Variants in CARS1 observed in about 807,000 individuals in gnomAD.
The protein encoded by CARS1 is cysteinyl-tRNA synthetase 1, also known as cysteine--tRNA ligase, cytoplasmic.
In CARS1, 48 loss-of-function variants were observed where a neutral mutation model predicts 106.2. The observed-to-expected ratio is 0.45, with a 90% CI of 0.36 to 0.57. The LOEUF (loss-of-function observed/expected upper bound fraction) is 0.57, where lower values mean the gene tolerates loss of function less well. Ranked by LOEUF, CARS1 falls within the 20% of genes least tolerant of loss-of-function variation. The probability of loss-of-function intolerance (pLI) is 0.00; values close to 1 mark genes in which losing one functional copy is unlikely to be tolerated. For missense variants in CARS1, 968 were observed against 1,057.2 expected (o/e 0.92, Z 1.17); for synonymous variants, 409 against 403.4 (o/e 1.01, Z -0.17).
intron 21 of CARS1, 82 bp downstream of exon 21, chr11:3,002,459 G>A (rs984953986): frequency 2.4e-5 from 38 of 1,589,210 alleles, no homozygotes; most frequent in East Asian, 4.5e-5. Flanking sequence ...TAAGGTCCAC[G>A]GAGGCACAGA....
rs757878749 is a variant in CARS1 at position 3,048,091 on chromosome 11, C to A, written c.26-90G>T. 1.3e-6 allele frequency: 2 copies of A among 1,499,194 alleles called. No homozygotes were observed. Among genetic ancestry groups the A allele is most frequent in the Non-Finnish European group, 1.8e-6 (2 of 1,113,864 alleles). 92.9% of individuals were successfully genotyped at this position (1,499,194 alleles called of 1,614,324 possible). On this transcript the variant is annotated intron_variant, in intron 1 of 22. Coordinates refer to ENST00000380525, the MANE Select transcript of CARS1 (RefSeq NM_001014437.3). This position sits in a 1 kb window ranked among gnomAD's most constrained non-coding sequence, Gnocchi z 5.1. ...ACAGGGACTAGGGGATGGCACAGAA[C>A]CAAGGAAAAAGGTGTTCAAGCCCTT...
intron 14 of CARS1, chr11:3,018,155 G>A: frequency 3.3e-6 from 2 of 613,620 alleles, no homozygotes; most frequent in South Asian, 4.0e-5. Context: ...CTCATTTGGT[G>A]GAAAGTACAA....
Position 3,004,317 on chromosome 11 carries a change from C to G in CARS1, c.2217+1049G>C, listed in dbSNP as rs1366828485. Among the ~76,000 whole-genome samples, 1 of 152,248 alleles carries G rather than the reference C, an allele frequency of 6.6e-6. No individual in the cohort carries two copies. The highest frequency in any genetic ancestry group is 1.5e-5 in the Non-Finnish European group (1 of 68,048). ...AAACTCCAGCCACCCACACTTGGAT[C>G]TGGCATGAGCTCTCCCCTCGTGCCT... On this transcript the variant is annotated intron_variant, in intron 20 of 22. Coordinates refer to ENST00000380525, the MANE Select transcript of CARS1 (RefSeq NM_001014437.3). This position sits in a 1 kb window ranked among gnomAD's most constrained non-coding sequence, Gnocchi z 5.2.
In CARS1 at chr11:3,039,377, A is replaced by G. The variant is rs1854122884; in HGVS notation, c.553-85T>C. 1 of 831,260 alleles carries G rather than the reference A, an allele frequency of 1.2e-6. No individual in the cohort carries two copies. Among genetic ancestry groups the G allele is most frequent in the African/African-American group, 1.7e-5 (1 of 59,584 alleles). 51.5% of individuals were successfully genotyped at this position (831,260 alleles called of 1,614,324 possible). ...AGCAGGCCACTCTCTCCCTTGGCCA[A>G]CTCTAAGTGAGGGTGAGGGTGGTGG... On this transcript the variant is annotated intron_variant, in intron 5 of 22. Transcript: ENST00000380525. This position sits in a 1 kb window ranked among gnomAD's most constrained non-coding sequence, Gnocchi z 5.6.
rs919271397 is a variant in CARS1 at position 3,050,929 on chromosome 11, C to G, written c.26-2928G>C. ...CCATCTGCCCCACCGCTCCATCTACCTTATTCACTGCTCGATCTTCAGCAT... is the reference window on the plus strand; with the variant it reads ...CCATCTGCCCCACCGCTCCATCTACGTTATTCACTGCTCGATCTTCAGCAT... On this transcript the variant is annotated intron_variant, in intron 1 of 22. Transcript: ENST00000380525. The surrounding 1 kb of genome is among the most constrained non-coding windows in gnomAD (Gnocchi z 6.3). Among the ~76,000 whole-genome samples, 4 of 152,246 alleles carry G rather than the reference C, an allele frequency of 2.6e-5. No homozygotes were observed. Among genetic ancestry groups the G allele is most frequent in the African/African-American group, 9.6e-5 (4 of 41,460 alleles).
Position 3,039,173 on chromosome 11 carries a change from A to G in CARS1, c.651+21T>C, listed in dbSNP as rs1854082036. 1 of 1,522,130 alleles carries G rather than the reference A, an allele frequency of 6.6e-7. No homozygotes were observed. Among genetic ancestry groups the G allele is most frequent in the South Asian group, 1.1e-5 (1 of 89,062 alleles). 94.3% of individuals were successfully genotyped at this position (1,522,130 alleles called of 1,614,324 possible). ...AGAAAGCAAAGGGCTCGGTTTCTAGAGCAGACAGCAAGAGGCCCACCTTCA... is the reference window on the plus strand; with the variant it reads ...AGAAAGCAAAGGGCTCGGTTTCTAGGGCAGACAGCAAGAGGCCCACCTTCA... On this transcript the variant is annotated intron_variant, in intron 6 of 22. Transcript: ENST00000380525. The surrounding 1 kb of genome is among the most constrained non-coding windows in gnomAD (Gnocchi z 5.6).
chr11:3,032,179 TCTC>T (rs1460716165), intron 7 of CARS1, among the ~76,000 whole-genome samples: 1 of 151,156 alleles, frequency 6.6e-6, no homozygotes, highest in Non-Finnish European at 1.5e-5. Context: ...TTCAAGCAAT[TCTC>T]CTGCCTCAGC....
rs963934223 is a variant in CARS1 at position 3,028,756 on chromosome 11, C to T, written c.1031+240G>A. On this transcript the variant is annotated intron_variant, in intron 9 of 22. Transcript: ENST00000380525. This position sits in a 1 kb window ranked among gnomAD's most constrained non-coding sequence, Gnocchi z 4.4. Reference sequence around the variant, plus strand: ...CCCCATGACTGATGGTCTTGGCTGCCGAGCTTCCCAGCAGATTCTGGGTTA... The same window carrying T: ...CCCCATGACTGATGGTCTTGGCTGCTGAGCTTCCCAGCAGATTCTGGGTTA... 8 of 525,188 alleles carry T rather than the reference C, an allele frequency of 1.5e-5. No individual in the cohort carries two copies. The highest frequency in any genetic ancestry group is 7.6e-5 in the African/African-American group (4 of 52,680). 32.5% of individuals were successfully genotyped at this position (525,188 alleles called of 1,614,324 possible). A position where few individuals can be genotyped will look rare whatever the true frequency, so the allele number is the denominator to read the frequency against.
intron 18 of CARS1, among the ~76,000 whole-genome samples, chr11:3,010,212 G>A (rs1400251229): frequency 6.6e-6 from 1 of 152,266 alleles, no homozygotes; most frequent in Admixed American, 6.5e-5. Flanking sequence ...GCTTGTGCCT[G>A]GCCAGTCCCC....
intron 7 of CARS1, among the ~76,000 whole-genome samples, chr11:3,035,624 C>T (rs1421230287): frequency 2.0e-5 from 3 of 152,058 alleles, no homozygotes; most frequent in Non-Finnish European, 4.4e-5. Context: ...TAGCTGGAAC[C>T]ACAGGCTTGC....
Position 3,019,028 on chromosome 11 carries a change from GT to G in CARS1, c.1395+110del, listed in dbSNP as rs1220312853. The G allele has an allele frequency of 2.4e-6, 3 of 1,256,814 alleles. No homozygotes were observed. In the African/African-American group the frequency reaches 4.5e-5, roughly 19 times the overall value. The allele number at this position is 1,256,814 out of a possible 1,614,324, so 77.9% of individuals were successfully genotyped here. A position where few individuals can be genotyped will look rare whatever the true frequency, so the allele number is the denominator to read the frequency against. ...ATTCCACCCACAAGCCCCGATGAAG[GT>G]GTCAAGTTCTAGTGAGAGAGGCCCT... On this transcript the variant is annotated intron_variant, in intron 12 of 22. Coordinates refer to ENST00000380525, the MANE Select transcript of CARS1 (RefSeq NM_001014437.3). This position sits in a 1 kb window ranked among gnomAD's most constrained non-coding sequence, Gnocchi z 6.2.
chr11:3,045,328 G>A lies in CARS1; in HGVS notation c.274+2425C>T, dbSNP rs189376888. Among the ~76,000 whole-genome samples the A allele has an allele frequency of 3.6e-3, 549 of 152,148 alleles. 5 individuals carry two copies. The highest frequency in any genetic ancestry group is 0.012 in the African/African-American group (504 of 41,498). On this transcript the variant is annotated intron_variant, in intron 2 of 22. Transcript: ENST00000380525. The surrounding 1 kb of genome is among the most constrained non-coding windows in gnomAD (Gnocchi z 5.6). ...CACCTAGGCTGGAGTACAGTGGCAC[G>A]ATCTCGGCTCACTGCAAGCTCCGCC...
intron 9 of CARS1, 82 bp from the exon 10 acceptor site, chr11:3,026,879 C>G: frequency 6.6e-7 from 1 of 1,515,192 alleles, no homozygotes; most frequent in Non-Finnish European, 8.9e-7. Flanking sequence ...CAAAATAAAG[C>G]AGGGCTATAA....
chr11:3,042,201 G>A lies in CARS1; in HGVS notation c.330C>T (p.Cys110=), dbSNP rs143700450. Residue 110 remains cysteine, a synonymous_variant, in exon 3 of 23, where the codon TGC becomes TGT. Coordinates refer to ENST00000380525, the MANE Select transcript of CARS1 (RefSeq NM_001014437.3). ...TGAGGCTGTTGTAAAGGTGGAGTCT[G>A]CATGGCTGGGTCCCAGCAGGAGGGG... is the stretch of plus-strand genomic sequence containing the variant. ...QWSPPAGTQP[C]RLHLYNSLTR... is the part of the protein sequence containing the mutation. 7 of 1,613,722 alleles carry A rather than the reference G, an allele frequency of 4.3e-6. No homozygotes were observed. Among genetic ancestry groups the A allele is most frequent in the African/African-American group, 1.3e-5 (1 of 74,926 alleles).
rs555002436 is a variant in CARS1 at position 3,057,157 on chromosome 11, G to T, written c.25+186C>A. Reference sequence around the variant, plus strand: ...GGACCCAAGGACGTGCCGTCCCTCAGACCCCGCGCACTGACACCCCTCAGA... The same window carrying T: ...GGACCCAAGGACGTGCCGTCCCTCATACCCCGCGCACTGACACCCCTCAGA... On this transcript the variant is annotated intron_variant, in intron 1 of 22. Coordinates refer to ENST00000380525, the MANE Select transcript of CARS1 (RefSeq NM_001014437.3). 2.9e-3 allele frequency among the ~76,000 whole-genome samples: 437 copies of T among 151,786 alleles called. 2 individuals are homozygous for T. Among genetic ancestry groups the T allele is most frequent in the African/African-American group, 0.01 (416 of 41,354 alleles).
At chr11:3,057,310 C>G in intron 1 of CARS1, 33 bp downstream of exon 1, 1 of 1,598,076 alleles carries the variant, frequency 6.3e-7, no homozygotes, top group Non-Finnish European at 8.5e-7. Context: ...AGGCCCCCAG[C>G]CGCCCTCAGC....
rs1234035112 is a variant in CARS1, at chr11:3,041,939, CAT to C, written c.366+224_366+225del. ...CCCAGAAGTCATGGGCAGGCTTCCA[CAT>C]GAGGCATGATACTTCACGTGTCTGG... On this transcript the variant is annotated intron_variant, in intron 3 of 22. Transcript: ENST00000380525. This position sits in a 1 kb window ranked among gnomAD's most constrained non-coding sequence, Gnocchi z 4.9. 6.6e-6 allele frequency among the ~76,000 whole-genome samples: 1 copy of C among 152,216 alleles called. No individual in the cohort carries two copies. Among genetic ancestry groups the C allele is most frequent in the Non-Finnish European group, 1.5e-5 (1 of 68,042 alleles).
rs2134082593 is a variant in CARS1 at position 3,004,908 on chromosome 11, C to G, written c.2217+458G>C. Among the ~76,000 whole-genome samples, 1 of 152,142 alleles carries G rather than the reference C, an allele frequency of 6.6e-6. No individual in the cohort carries two copies. The highest frequency in any genetic ancestry group is 2.1e-4 in the South Asian group (1 of 4,822). On this transcript the variant is annotated intron_variant, in intron 20 of 22. Transcript: ENST00000380525. This position sits in a 1 kb window ranked among gnomAD's most constrained non-coding sequence, Gnocchi z 5.2. The stretch of plus-strand genomic sequence containing the variant: ...GGATCACGAGGTCAGGAGATTGAGA[C>G]CAGCCTGACCAACATGGTGAAACCC...
In CARS1 at chr11:3,017,530, C is replaced by T. The variant is rs1048676079; in HGVS notation, c.1728-235G>A. 30 of 563,966 alleles carry T rather than the reference C, an allele frequency of 5.3e-5. No individual in the cohort carries two copies. Among genetic ancestry groups the T allele is most frequent in the Middle Eastern group, 4.6e-4 (1 of 2,152 alleles). 34.9% of individuals were successfully genotyped at this position (563,966 alleles called of 1,614,324 possible). A position where few individuals can be genotyped will look rare whatever the true frequency, so the allele number is the denominator to read the frequency against. On this transcript the variant is annotated intron_variant, in intron 15 of 22. Transcript: ENST00000380525. The surrounding 1 kb of genome is among the most constrained non-coding windows in gnomAD (Gnocchi z 4.9). Reference sequence around the variant, plus strand: ...TGGTGGCGCATGCCTGTAACCCCAGCTACTCGGGAGGCTGAGGCAGGAGAA... The same window carrying T: ...TGGTGGCGCATGCCTGTAACCCCAGTTACTCGGGAGGCTGAGGCAGGAGAA...
Sources: gnomAD v4.1 joint callset for allele counts (sites outside exome capture counted in the v4.1 genomes callset) on GRCh38, gnomAD v4.1.1 for gene constraint, Gnocchi (gnomAD v3.1) non-coding constraint, MANE v1.5 for transcripts, NCBI Gene and HGNC (gene_info 2026-07-23, HGNC 2026-07-21) for gene names.